The following MAGI1 variants were observed in gnomAD, a reference collection of about 807,000 sequenced individuals.
MAGI1 encodes the protein membrane-associated guanylate kinase, WW and PDZ domain-containing protein 1.
In MAGI1, 58 loss-of-function variants were observed where a neutral mutation model predicts 139.9. The observed-to-expected ratio is 0.41, with a 90% CI of 0.34 to 0.52. The LOEUF (loss-of-function observed/expected upper bound fraction) is 0.52, where lower values mean the gene tolerates loss of function less well. Ranked by LOEUF, MAGI1 falls within the 20% of genes least tolerant of loss-of-function variation. The pLI is 0.12. For synonymous variants in MAGI1, 812 were observed against 737.9 expected (o/e 1.10, Z -1.63); for missense variants, 1,874 against 1,901.6 (o/e 0.99, Z 0.27).
At chr3:65,693,192 G>C (rs2088834872) in intron 1 of MAGI1, among the ~76,000 whole-genome samples, 1 of 152,056 alleles carries the variant, frequency 6.6e-6, no homozygotes, top group African/African-American at 2.4e-5. Context: ...CAATCCTCCC[G>C]CCTCAGCCTC....
chr3:65,422,799 G>A (rs1332456282), intron 12 of MAGI1, among the ~76,000 whole-genome samples: 1 of 152,152 alleles, frequency 6.6e-6, no homozygotes, highest in Non-Finnish European at 1.5e-5. Flanking sequence ...CCTGAAAGAT[G>A]TGAGTGAGGA....
rs188718353 is a variant in MAGI1, at chr3:65,391,775, A to G, written c.2200-417T>C. On this transcript the variant is annotated intron_variant, in intron 13 of 22. Coordinates refer to ENST00000402939, the MANE Select transcript of MAGI1 (RefSeq NM_001033057.2). ...TCCAGAAGAAATATAATCAGGGCTA[A>G]AGATGCTCCTCAGGACTCCATGTCT... is the stretch of plus-strand genomic sequence containing the variant. 3.7e-4 allele frequency among the ~76,000 whole-genome samples: 57 copies of G among 152,312 alleles called. 2 individuals carry two copies. The East Asian group carries it at 0.01, about 27-fold the overall frequency.
intron 1 of MAGI1, among the ~76,000 whole-genome samples, chr3:65,808,075 T>C (rs2040987325): frequency 6.6e-6 from 1 of 151,314 alleles, no homozygotes; most frequent in South Asian, 2.1e-4. Flanking sequence ...AACCTCTGCC[T>C]CCCAGATTCA....
chr3:65,803,546 C>A (rs181146885), intron 1 of MAGI1, among the ~76,000 whole-genome samples: 1 of 152,108 alleles, frequency 6.6e-6, no homozygotes, highest in East Asian at 1.9e-4. Context: ...AAAATAATTT[C>A]TTTTTTGTTT....
In MAGI1 at chr3:65,399,249, G is replaced by A. The variant is rs1428211744; in HGVS notation, c.2199+2190C>T. ...GTGTCATTACTTGAATGGCTTTCTG[G>A]TACCAGGACATCCAGCTTCCCTGTG... is the stretch of plus-strand genomic sequence containing the variant. On this transcript the variant is annotated intron_variant, in intron 13 of 22. Transcript: ENST00000402939. Among the ~76,000 whole-genome samples, 3 of 152,092 alleles carry A rather than the reference G, an allele frequency of 2.0e-5. No homozygotes were observed. In the East Asian group the frequency reaches 5.8e-4, roughly 29 times the overall value.
In MAGI1 at chr3:65,711,078, T is replaced by G. The variant is rs572230341; in HGVS notation, c.314-88990A>C. Among the ~76,000 whole-genome samples, 247 of 152,344 alleles carry G rather than the reference T, an allele frequency of 1.6e-3. 4 individuals carry two copies. Among genetic ancestry groups the G allele is most frequent in the African/African-American group, 5.6e-3 (234 of 41,572 alleles). On this transcript the variant is annotated intron_variant, in intron 1 of 22. Transcript: ENST00000402939. ...AACCTACTGGTTCCAGTCTACACCT[T>G]AAACTCCAATGCCACATGTCCATTC...
At chr3:66,024,761 G>A (rs530911883) in intron 1 of MAGI1, among the ~76,000 whole-genome samples, 1 of 152,218 alleles carries the variant, frequency 6.6e-6, no homozygotes, top group South Asian at 2.1e-4. Flanking sequence ...AGCCAAGATC[G>A]CATCATTGCA....
chr3:65,387,371 G>C, intron 14 of MAGI1: 1 of 527,600 alleles, frequency 1.9e-6, no homozygotes, highest in Non-Finnish European at 3.2e-6. Context: ...ACTATAGTTT[G>C]ATTCCATTTT....
intron 5 of MAGI1, among the ~76,000 whole-genome samples, chr3:65,460,877 C>T (rs1949734839): frequency 6.6e-6 from 1 of 152,094 alleles, no homozygotes; most frequent in Admixed American, 6.5e-5. Flanking sequence ...AGGACATGAA[C>T]TCATTCTTTC....
chr3:65,983,281 T>C (rs1284360362), intron 1 of MAGI1, among the ~76,000 whole-genome samples: 1 of 152,256 alleles, frequency 6.6e-6, no homozygotes, highest in Non-Finnish European at 1.5e-5. Context: ...TGCCTTCTGC[T>C]TCAGTAGTTA....
intron 1 of MAGI1, among the ~76,000 whole-genome samples, chr3:65,679,469 A>T (rs1009884436): frequency 1.3e-5 from 2 of 152,120 alleles, no homozygotes; most frequent in African/African-American, 4.8e-5. Context: ...AGGCTGAGGC[A>T]CAAGAATTCA....
At chr3:65,944,237 T>A (rs1482705817) in intron 1 of MAGI1, among the ~76,000 whole-genome samples, 2 of 152,238 alleles carry the variant, frequency 1.3e-5, no homozygotes, top group African/African-American at 4.8e-5. Flanking sequence ...AGTGCTCAGC[T>A]AGGTGCAATG....
chr3:65,773,198 A>G (rs144207096), intron 1 of MAGI1, among the ~76,000 whole-genome samples: 1 of 152,208 alleles, frequency 6.6e-6, no homozygotes, highest in African/African-American at 2.4e-5. Flanking sequence ...TAGGAGTAAT[A>G]TATTAAAACA....
intron 1 of MAGI1, among the ~76,000 whole-genome samples, chr3:66,013,406 T>TAAAAA (rs35481450): frequency 1.8e-5 from 2 of 109,978 alleles, no homozygotes; most frequent in African/African-American, 7.4e-5. Flanking sequence ...CTGTCTCAAA[T>TAAAAA]AAAAAAAAAA....
At chr3:65,730,398 T>G (rs1208402465) in intron 1 of MAGI1, among the ~76,000 whole-genome samples, 1 of 152,176 alleles carries the variant, frequency 6.6e-6, no homozygotes, top group African/African-American at 2.4e-5. Context: ...CAACATATCC[T>G]CATTTAAAGC....
intron 1 of MAGI1, among the ~76,000 whole-genome samples, chr3:66,025,542 C>CA (rs200433064): frequency 0.013 from 1,911 of 151,540 alleles, 52 homozygotes; most frequent in African/African-American, 0.044. Context: ...GTCTCAAAAA[C>CA]AAAAAAACAA....
chr3:65,824,866 T>C (rs1167807923), intron 1 of MAGI1, among the ~76,000 whole-genome samples: 2 of 152,240 alleles, frequency 1.3e-5, no homozygotes, highest in Non-Finnish European at 2.9e-5. Flanking sequence ...TAACCTCTTT[T>C]GCTACCAGAC....
chr3:66,017,519 G>GACGAACACCA (rs1163252275), intron 1 of MAGI1, among the ~76,000 whole-genome samples: 1 of 152,216 alleles, frequency 6.6e-6, no homozygotes, highest in East Asian at 1.9e-4. Flanking sequence ...GCAGCCTCCT[G>GACGAACACCA]ACGAACACCA....
At chr3:65,685,966 C>T (rs538085325) in intron 1 of MAGI1, among the ~76,000 whole-genome samples, 7 of 152,272 alleles carry the variant, frequency 4.6e-5, no homozygotes, top group East Asian at 1.9e-4. Flanking sequence ...TCTCGCAGCA[C>T]GGTGCAAAAC....
Sources: allele counts gnomAD v4.1 joint callset (sites outside exome capture counted in the v4.1 genomes callset), GRCh38; gene constraint gnomAD v4.1.1; transcripts MANE v1.5; gene names NCBI Gene and HGNC (gene_info 2026-07-23, HGNC 2026-07-21).